The following TCF20 variants were observed in gnomAD, a reference collection of about 807,000 sequenced individuals.
The protein encoded by TCF20 is SPRE-binding protein.
Under a neutral mutation model 148.6 loss-of-function variants are expected in TCF20, and 3 were observed. The observed-to-expected ratio is 0.02, with a 90% CI of 0.01 to 0.05. TCF20 has a LOEUF of 0.05. Among genes scored for constraint, TCF20 ranks in the 10% least tolerant of loss-of-function variants. The pLI, the probability that TCF20 is intolerant of heterozygous loss-of-function variation, is 1.00. For missense variants in TCF20, 2,350 were observed against 2,429.3 expected (o/e 0.97, Z 0.69); for synonymous variants, 1,049 against 909.5 (o/e 1.15, Z -2.76).
intron 1 of TCF20, among the ~76,000 whole-genome samples, chr22:42,343,252 G>C (rs1425910573): frequency 6.6e-6 from 1 of 152,102 alleles, no homozygotes; most frequent in Admixed American, 6.5e-5. Flanking sequence ...CTGTACAATG[G>C]GGACAAACAC....
In TCF20 at chr22:42,242,227, A is replaced by AT. The variant is rs1491280192; in HGVS notation, c.-36-26887_-36-26886insA. Among the ~76,000 whole-genome samples, 574 of 122,726 alleles carry AT rather than the reference A, an allele frequency of 4.7e-3. 38 individuals are homozygous for AT. The highest frequency in any genetic ancestry group is 0.013 in the African/African-American group (421 of 31,330). The allele number at this position is 122,726 out of a possible 152,430, so 80.5% of individuals were successfully genotyped here. On this transcript the variant is annotated intron_variant, in intron 1 of 5. Transcript: ENST00000677622. Reference sequence around the variant, plus strand: ...CAAAAAAAAAAAAAAAAAAAAAAAAACAGAAAAGAAAGGGTGACTACAAGG... The same window carrying AT: ...CAAAAAAAAAAAAAAAAAAAAAAAAATCAGAAAAGAAAGGGTGACTACAAGG...
chr22:42,229,729 G>A (rs1323663097), intron 1 of TCF20, among the ~76,000 whole-genome samples: 1 of 152,174 alleles, frequency 6.6e-6, no homozygotes, highest in East Asian at 1.9e-4. Flanking sequence ...CCAAATCTGA[G>A]TCATTCCTCA....
chr22:42,197,800 A>G (rs1454909309), intron 2 of TCF20, among the ~76,000 whole-genome samples: 3 of 152,206 alleles, frequency 2.0e-5, no homozygotes, highest in Non-Finnish European at 4.4e-5. Flanking sequence ...TTAAACACAA[A>G]ATTAACAGGG....
chr22:42,314,649 AG>A (rs1298533912), intron 1 of TCF20, among the ~76,000 whole-genome samples: 1 of 152,194 alleles, frequency 6.6e-6, no homozygotes, highest in Non-Finnish European at 1.5e-5. Context: ...CAGGGAGAAC[AG>A]GGGGTCCTGC....
At chr22:42,227,714 G>C (rs1923041868) in intron 1 of TCF20, among the ~76,000 whole-genome samples, 1 of 152,226 alleles carries the variant, frequency 6.6e-6, no homozygotes, top group African/African-American at 2.4e-5. Flanking sequence ...CCAGAGTACA[G>C]TCTTTTCATT....
intron 2 of TCF20, among the ~76,000 whole-genome samples, chr22:42,197,049 TG>T (rs1430322744): frequency 1.3e-5 from 2 of 152,224 alleles, no homozygotes; most frequent in Non-Finnish European, 2.9e-5. Flanking sequence ...CAGGTTTACG[TG>T]GACAGCATCA....
chr22:42,299,844 G>A lies in TCF20; in HGVS notation c.-37+43635C>T, dbSNP rs1927302099. 6.6e-6 allele frequency among the ~76,000 whole-genome samples: 1 copy of A among 151,468 alleles called. No individual in the cohort carries two copies. The highest frequency in any genetic ancestry group is 1.5e-5 in the Non-Finnish European group (1 of 67,836). On this transcript the variant is annotated intron_variant, in intron 1 of 1. Coordinates refer to the TCF20 transcript ENST00000515426. This position sits in a 1 kb window ranked among gnomAD's most constrained non-coding sequence, Gnocchi z 4.1. ...GGGAAGAGAGAAGGGGGAGAAGGAAGCGGAGGGGAGGAGGGAGGAGGGAAA... is the reference window on the plus strand; with the variant it reads ...GGGAAGAGAGAAGGGGGAGAAGGAAACGGAGGGGAGGAGGGAGGAGGGAAA...
intron 4 of TCF20, among the ~76,000 whole-genome samples, chr22:42,169,237 A>AC (rs1201593858): frequency 1.3e-5 from 2 of 151,080 alleles, no homozygotes; most frequent in Admixed American, 6.6e-5. Flanking sequence ...CTCCATATAC[A>AC]CCCTCCCCAC....
chr22:42,295,708 G>A lies in TCF20; in HGVS notation c.-37+47771C>T, dbSNP rs531819553. Reference sequence around the variant, plus strand: ...ACCCACCTCAGCCTCCCAAAGTGTTGGGATTACAGGCGTGAGCCACCGCGC... The same window carrying A: ...ACCCACCTCAGCCTCCCAAAGTGTTAGGATTACAGGCGTGAGCCACCGCGC... On this transcript the variant is annotated intron_variant, in intron 1 of 1. Transcript: ENST00000515426. Among the ~76,000 whole-genome samples, 5 of 152,204 alleles carry A rather than the reference G, an allele frequency of 3.3e-5. No homozygotes were observed. In the South Asian group the frequency reaches 8.3e-4, roughly 25 times the overall value.
chr22:42,189,669 G>A (rs1259719955), intron 2 of TCF20, among the ~76,000 whole-genome samples: 1 of 152,172 alleles, frequency 6.6e-6, no homozygotes, highest in African/African-American at 2.4e-5. Flanking sequence ...CCAGGACATA[G>A]CCTAAAACTT....
chr22:42,298,701 G>A (rs143731181), intron 1 of TCF20, among the ~76,000 whole-genome samples: 2 of 152,360 alleles, frequency 1.3e-5, no homozygotes, highest in East Asian at 1.9e-4. Context: ...TGGCATGGTC[G>A]CAAGTTTGCC....
chr22:42,325,347 C>T (rs906287435), intron 1 of TCF20, among the ~76,000 whole-genome samples: 1 of 152,230 alleles, frequency 6.6e-6, no homozygotes, highest in African/African-American at 2.4e-5. Context: ...AGGAAAAGTG[C>T]CTCTGCCCGG....
In TCF20 at chr22:42,213,878, A is replaced by T. The variant is rs770313618; in HGVS notation, c.1428T>A (p.Ser476=). ...TCTTCTTCTGAGGAGTCAGGGCATC[A>T]GAAAGTAACATGTGCTGGACAGTGT... ...LPNTVQHMLL[S]DALTPQKKTS... is the part of the protein sequence containing the mutation. The change falls in exon 2 of 6, where the codon TCT becomes TCA. Residue 476 remains serine, a synonymous_variant. Transcript: ENST00000677622. 22 of 1,614,094 alleles carry T rather than the reference A, an allele frequency of 1.4e-5. No homozygotes were observed. Among genetic ancestry groups the T allele is most frequent in the Non-Finnish European group, 1.8e-5 (21 of 1,180,042 alleles).
intron 5 of TCF20, among the ~76,000 whole-genome samples, chr22:42,166,582 C>T (rs1251525178): frequency 2.0e-5 from 3 of 148,144 alleles, no homozygotes; most frequent in East Asian, 2.0e-4. Flanking sequence ...GTACTCCAGC[C>T]TGGGCGACAA....
intron 1 of TCF20, among the ~76,000 whole-genome samples, chr22:42,223,782 C>T (rs1454149753): frequency 6.6e-6 from 1 of 152,128 alleles, no homozygotes; most frequent in African/African-American, 2.4e-5. Flanking sequence ...TGTGTATGTG[C>T]AAATGTGGGA....
intron 1 of TCF20, among the ~76,000 whole-genome samples, chr22:42,215,743 T>A (rs1921702363): frequency 6.6e-6 from 1 of 152,140 alleles, no homozygotes; most frequent in Admixed American, 6.6e-5. Flanking sequence ...AGTGCTGGAA[T>A]TACAGGCATG....
intron 1 of TCF20, among the ~76,000 whole-genome samples, chr22:42,312,872 G>A (rs1927560862): frequency 6.6e-6 from 1 of 152,070 alleles, no homozygotes; most frequent in Admixed American, 6.5e-5. Context: ...CATGCCCAAT[G>A]CCCAGGCCTC....
intron 2 of TCF20, among the ~76,000 whole-genome samples, chr22:42,192,378 C>G (rs1937377597): frequency 6.6e-6 from 1 of 152,186 alleles, no homozygotes; most frequent in Admixed American, 6.5e-5. Flanking sequence ...TCCTTTCTTC[C>G]TACTTGCATT....
chr22:42,206,896 C>A (rs1374593697), intron 2 of TCF20, among the ~76,000 whole-genome samples: 1 of 152,130 alleles, frequency 6.6e-6, no homozygotes, highest in African/African-American at 2.4e-5. Flanking sequence ...CTGATCCCTT[C>A]CCACGAAAAA....
Sources: allele counts gnomAD v4.1 joint callset (sites outside exome capture counted in the v4.1 genomes callset), GRCh38; gene constraint gnomAD v4.1.1; non-coding constraint Gnocchi (gnomAD v3.1); transcripts MANE v1.5; gene names NCBI Gene and HGNC (gene_info 2026-07-23, HGNC 2026-07-21).